GEMIN5: variants seen among roughly 807,000 people sequenced by gnomAD.
GEMIN5 encodes gem-associated protein 5.
A neutral mutation model predicts 176.9 loss-of-function variants in GEMIN5; 124 were observed. That is an observed-to-expected ratio of 0.70 (90% CI 0.61 to 0.81). The LOEUF is 0.81. Ranked by LOEUF, GEMIN5 falls within the 40% of genes least tolerant of loss-of-function variation. GEMIN5 has a pLI of 0.00. For synonymous variants in GEMIN5, 673 were observed against 665.2 expected, an observed-to-expected ratio of 1.01 and a Z score of -0.18; for missense variants, 1,843 against 1,814.6, an observed-to-expected ratio of 1.02 and a Z score of -0.28.
chr5:154,930,599 A>G (rs1000576230), intron 5 of GEMIN5, among the ~76,000 whole-genome samples: 9 of 152,338 alleles, frequency 5.9e-5, no homozygotes, highest in African/African-American at 4.8e-5. Context: ...ACAAAAAGAC[A>G]TATCATATGT....
In GEMIN5 at chr5:154,907,587, A is replaced by G. The variant is rs1195953450; in HGVS notation, c.2395+4T>C. On this transcript the variant is annotated splice_donor_region_variant and intron_variant, in intron 16 of 27. Coordinates refer to ENST00000285873, the MANE Select transcript of GEMIN5 (RefSeq NM_015465.5). ...CTAGTGATACACAGGATTCTGCCACATACCCGCTGGAGCAAGGCCACAGGG... is the reference window on the plus strand; with the variant it reads ...CTAGTGATACACAGGATTCTGCCACGTACCCGCTGGAGCAAGGCCACAGGG... 1.2e-6 allele frequency: 2 copies of G among 1,608,660 alleles called. No individual in the cohort carries two copies. The highest frequency in any genetic ancestry group is 1.3e-5 in the African/African-American group (1 of 74,834).
At chr5:154,934,546 A>G (rs1049612571) in intron 3 of GEMIN5, among the ~76,000 whole-genome samples, 1 of 152,088 alleles carries the variant, frequency 6.6e-6, no homozygotes. Flanking sequence ...TCCTGACCTC[A>G]GGTGATCCAC....
rs566436846 is a variant in GEMIN5, at chr5:154,931,484, C to T, written c.755G>A (p.Arg252Gln). ...LATGSKDQTI[R>Q]IWSCSRGRGV... ...TCGGCCTCTAGAACAGCTCCAGATTCGAATGGTTTGATCTTTGCTTCCAGT... is the reference window on the plus strand; with the variant it reads ...TCGGCCTCTAGAACAGCTCCAGATTTGAATGGTTTGATCTTTGCTTCCAGT... The change falls in exon 5 of 28, where the codon CGA (arginine) becomes CAA (glutamine). Residue 252 changes from arginine to glutamine, a missense_variant. Transcript: ENST00000285873. The T allele has an allele frequency of 4.0e-5, 65 of 1,612,686 alleles. No homozygotes were observed. The South Asian group carries it at 6.0e-4, about 15-fold the overall frequency.
intron 13 of GEMIN5, among the ~76,000 whole-genome samples, chr5:154,914,256 G>T (rs1048313889): frequency 6.6e-6 from 1 of 152,134 alleles, no homozygotes; most frequent in Non-Finnish European, 1.5e-5. Context: ...CCGGACCTCA[G>T]GCGATCCGCC....
intron 16 of GEMIN5, among the ~76,000 whole-genome samples, chr5:154,905,863 G>A (rs1763557532): frequency 6.6e-6 from 1 of 152,040 alleles, no homozygotes; most frequent in East Asian, 1.9e-4. Context: ...GCTAATTTTT[G>A]TATTTTTAGT....
intron 10 of GEMIN5, 39 bp from the exon 11 acceptor site, chr5:154,920,142 T>G (rs764804994): frequency 1.9e-6 from 3 of 1,561,522 alleles, no homozygotes; most frequent in Non-Finnish European, 2.6e-6. Flanking sequence ...AGTTTTGTAC[T>G]TCATCAGCTT....
intron 9 of GEMIN5, among the ~76,000 whole-genome samples, chr5:154,922,445 G>A (rs1489904853): frequency 1.3e-5 from 2 of 152,108 alleles, no homozygotes; most frequent in Non-Finnish European, 2.9e-5. Flanking sequence ...GGCAGCCACT[G>A]TGCCCGGCCT....
Position 154,920,109 on chromosome 5 carries a change from T to A in GEMIN5, c.1463-6A>T, listed in dbSNP as rs772122855. ...AGGTCTGTCTCCTTCTCCTCCTGTA[T>A]GAAATAAGAAAAGAAACTTATCAGT... is the stretch of plus-strand genomic sequence containing the variant. On this transcript the variant is annotated splice_region_variant and splice_polypyrimidine_tract_variant and intron_variant, in intron 10 of 27. Transcript: ENST00000285873. 3 of 1,605,206 alleles carry A rather than the reference T, an allele frequency of 1.9e-6. No homozygotes were observed. Among genetic ancestry groups the A allele is most frequent in the African/African-American group, 1.3e-5 (1 of 74,488 alleles).
chr5:154,889,245 C>A (rs1340599288), intron 27 of GEMIN5, 76 bp downstream of exon 27: 1 of 768,820 alleles, frequency 1.3e-6, no homozygotes, highest in East Asian at 2.5e-5. Context: ...GGTAGCTGAC[C>A]TTTATAAGAA....
At chr5:154,900,269 T>C (rs191170153) in intron 21 of GEMIN5, among the ~76,000 whole-genome samples, 2 of 152,306 alleles carry the variant, frequency 1.3e-5, no homozygotes, top group East Asian at 1.9e-4. Context: ...TCAAATGACA[T>C]ACAACTGCTG....
At chr5:154,931,667 C>T in intron 4 of GEMIN5, 90 bp from the exon 5 acceptor site, 1 of 1,046,842 alleles carries the variant, frequency 9.6e-7, no homozygotes, top group Non-Finnish European at 1.4e-6. Flanking sequence ...CAAAACTTAG[C>T]TATCTCTTTC....
intron 17 of GEMIN5, among the ~76,000 whole-genome samples, chr5:154,905,108 C>T (rs1436252239): frequency 1.3e-5 from 2 of 152,090 alleles, no homozygotes; most frequent in Non-Finnish European, 2.9e-5. Context: ...GCAGGAGGAT[C>T]GCTTGAGCCC....
chr5:154,888,963 T>TGC (rs1763165479), intron 27 of GEMIN5, among the ~76,000 whole-genome samples: 2 of 151,914 alleles, frequency 1.3e-5, no homozygotes, highest in Non-Finnish European at 2.9e-5. Flanking sequence ...GTTCACGCCA[T>TGC]TCTCCTGCCT....
intron 26 of GEMIN5, among the ~76,000 whole-genome samples, chr5:154,890,238 T>C (rs1284845547): frequency 1.3e-5 from 2 of 152,272 alleles, no homozygotes; most frequent in African/African-American, 4.8e-5. Context: ...CTGTGCTTAC[T>C]GGCTTTTTAG....
intron 15 of GEMIN5, among the ~76,000 whole-genome samples, chr5:154,910,553 C>T (rs1763680075): frequency 6.6e-6 from 1 of 152,206 alleles, no homozygotes; most frequent in African/African-American, 2.4e-5. Context: ...ATCCTCTAGC[C>T]TTGGCTTCCC....
chr5:154,888,615 C>T (rs1408213398), intron 27 of GEMIN5, among the ~76,000 whole-genome samples: 2 of 152,196 alleles, frequency 1.3e-5, no homozygotes, highest in Admixed American at 6.5e-5. Context: ...TCTCTTTCTA[C>T]AGCCCTATGC....
chr5:154,902,970 GT>G, intron 19 of GEMIN5, 109 bp downstream of exon 19: 1 of 765,838 alleles, frequency 1.3e-6, no homozygotes, highest in African/African-American at 1.7e-5. Context: ...TAGCTGACAC[GT>G]AAAACTAACC....
intron 21 of GEMIN5, among the ~76,000 whole-genome samples, chr5:154,900,769 A>G (rs1763444917): frequency 6.6e-6 from 1 of 152,208 alleles, no homozygotes; most frequent in Admixed American, 6.5e-5. Flanking sequence ...TAAACAAAGA[A>G]TGACTAGGTA....
At chr5:154,931,801 G>C in intron 4 of GEMIN5, 1 of 501,790 alleles carries the variant, frequency 2.0e-6, no homozygotes, top group Non-Finnish European at 3.5e-6. Flanking sequence ...GATCACCTGA[G>C]GTCGGGAGTT....
Sources: gnomAD v4.1 joint callset for allele counts (sites outside exome capture counted in the v4.1 genomes callset) on GRCh38, gnomAD v4.1.1 for gene constraint, MANE v1.5 for transcripts, NCBI Gene and HGNC (gene_info 2026-07-23, HGNC 2026-07-21) for gene names.